Variants in B4GALT6 observed in about 807,000 individuals in gnomAD.
B4GALT6 encodes UDP-Gal:beta-GlcNAc beta-1,4-galactosyltransferase 6.
In B4GALT6, 14 loss-of-function variants were observed where a neutral mutation model predicts 46.3. The observed-to-expected ratio is 0.30, with a 90% CI of 0.20 to 0.47. B4GALT6 has a LOEUF of 0.47. Among genes scored for constraint, B4GALT6 ranks in the 20% least tolerant of loss-of-function variants. The pLI is 0.99. For synonymous variants in B4GALT6, 168 were observed against 162.0 expected (o/e 1.04, Z -0.28); for missense variants, 386 against 480.1 (o/e 0.80, Z 1.83).
At chr18:31,713,936 T>A in the B4GALT6 span, among the ~76,000 whole-genome samples, 1 of 152,208 alleles carries the variant, frequency 6.6e-6, no homozygotes, top group Non-Finnish European at 1.5e-5. Flanking sequence ...AAGTTTTCAT[T>A]TGAAATCTCT....
the B4GALT6 span, among the ~76,000 whole-genome samples, chr18:31,717,950 G>A: frequency 2.0e-4 from 15 of 74,462 alleles, no homozygotes; most frequent in East Asian, 3.4e-4. Context: ...GCGAAACTCC[G>A]TCTCAAAAAA....
chr18:31,693,046 C>T, the B4GALT6 span, among the ~76,000 whole-genome samples: 7 of 152,210 alleles, frequency 4.6e-5, no homozygotes, highest in Non-Finnish European at 7.3e-5. Flanking sequence ...TCCTAATTTT[C>T]TTTATTCTCT....
the B4GALT6 span, among the ~76,000 whole-genome samples, chr18:31,709,122 C>T: frequency 6.6e-6 from 1 of 152,166 alleles, no homozygotes; most frequent in African/African-American, 2.4e-5. Flanking sequence ...GATTAATCTA[C>T]AGTCCCTTTC....
At chr18:31,701,952 T>C in the B4GALT6 span, among the ~76,000 whole-genome samples, 1 of 152,134 alleles carries the variant, frequency 6.6e-6, no homozygotes, top group African/African-American at 2.4e-5. Context: ...TATTACATAA[T>C]ATTTTAAAAA....
intron 1 of B4GALT6, among the ~76,000 whole-genome samples, chr18:31,676,755 G>C (rs1455009399): frequency 6.6e-6 from 1 of 152,102 alleles, no homozygotes; most frequent in African/African-American, 2.4e-5. Flanking sequence ...CACCATTTGG[G>C]GTATTTTTCA....
In B4GALT6 at chr18:31,645,376, T is replaced by C. The variant is rs752963055; in HGVS notation, c.450A>G (p.Lys150=). Reference sequence around the variant, plus strand: ...TCACCTTCCATCTGGGTTTACAGTCTTTTGGCCTCCAATGACCCCCTGGCT... The same window carrying C: ...TCACCTTCCATCTGGGTTTACAGTCCTTTGGCCTCCAATGACCCCCTGGCT... The part of the protein sequence containing the change: ...DIEPGGHWRP[K]DCKPRWKVAV... Residue 150 remains lysine, a synonymous_variant, in exon 4 of 9, where the codon AAA becomes AAG. Transcript: ENST00000306851. 10 of 1,613,722 alleles carry C rather than the reference T, an allele frequency of 6.2e-6. No individual in the cohort carries two copies. Among genetic ancestry groups the C allele is most frequent in the Non-Finnish European group, 8.5e-6 (10 of 1,179,888 alleles).
intron 5 of B4GALT6, 49 bp downstream of exon 5, chr18:31,638,595 G>A: frequency 2.2e-6 from 3 of 1,333,700 alleles, no homozygotes; most frequent in Admixed American, 1.8e-5. Flanking sequence ...CCATATCTAA[G>A]AGTTTAGATT....
rs1567952106 is a variant in B4GALT6, at chr18:31,622,309, C to CA, written c.*3304dup. The CA allele has an allele frequency of 2.0e-5, 3 of 151,740 alleles. No homozygotes were observed. The highest frequency in any genetic ancestry group is 2.0e-4 in the Admixed American group (3 of 15,262). 9.4% of individuals were successfully genotyped at this position (151,740 alleles called of 1,614,324 possible). The stretch of plus-strand genomic sequence containing the variant: ...AAAGTACAAACATTTCCATGAGAAG[C>CA]AAAAAAAGAAGTGGGATACAAGAAA... On this transcript the variant is annotated 3_prime_UTR_variant, in exon 9 of 9. Coordinates refer to ENST00000306851, the MANE Select transcript of B4GALT6 (RefSeq NM_004775.5).
chr18:31,721,426 C>A, the B4GALT6 span, among the ~76,000 whole-genome samples: 1 of 152,026 alleles, frequency 6.6e-6, no homozygotes, highest in African/African-American at 2.4e-5. Flanking sequence ...ACATTATAAA[C>A]CATCATGAAT....
At chr18:31,681,814 CAG>C (rs1283300434) in intron 1 of B4GALT6, among the ~76,000 whole-genome samples, 1 of 152,128 alleles carries the variant, frequency 6.6e-6, no homozygotes, top group East Asian at 1.9e-4. Context: ...AATTTCTTAA[CAG>C]AGGAGATTTG....
chr18:31,695,719 C>A, the B4GALT6 span, among the ~76,000 whole-genome samples: 1 of 152,202 alleles, frequency 6.6e-6, no homozygotes, highest in Non-Finnish European at 1.5e-5. Flanking sequence ...AAAACTATGT[C>A]ATATGGAGAT....
chr18:31,723,950 ACCCAC>A, the B4GALT6 span, among the ~76,000 whole-genome samples: 23 of 150,208 alleles, frequency 1.5e-4, no homozygotes, highest in African/African-American at 5.0e-4. Context: ...CGCACCTCCA[ACCCAC>A]CCCACCCCAC....
At chr18:31,653,944 A>G (rs1474705283) in intron 3 of B4GALT6, among the ~76,000 whole-genome samples, 1 of 151,970 alleles carries the variant, frequency 6.6e-6, no homozygotes, top group Non-Finnish European at 1.5e-5. Flanking sequence ...CAATAAACAT[A>G]TGCATGACAG....
chr18:31,670,251 C>T (rs996871898), intron 1 of B4GALT6, among the ~76,000 whole-genome samples: 2 of 152,052 alleles, frequency 1.3e-5, no homozygotes, highest in Non-Finnish European at 2.9e-5. Flanking sequence ...GACAGGGTTT[C>T]TCCATGTTGC....
chr18:31,695,614 T>C, the B4GALT6 span, among the ~76,000 whole-genome samples: 102 of 152,342 alleles, frequency 6.7e-4, no homozygotes, highest in Non-Finnish European at 1.2e-3. Context: ...TGATGTGCAA[T>C]GAGAGGCAAA....
At chr18:31,702,483 C>G in the B4GALT6 span, among the ~76,000 whole-genome samples, 3 of 152,182 alleles carry the variant, frequency 2.0e-5, no homozygotes, top group Admixed American at 6.5e-5. Flanking sequence ...TACAGCCTGA[C>G]AGCTAAGCTC....
At chr18:31,670,000 G>A (rs1215876164) in intron 1 of B4GALT6, among the ~76,000 whole-genome samples, 1 of 151,666 alleles carries the variant, frequency 6.6e-6, no homozygotes, top group South Asian at 2.1e-4. Context: ...ATGTTTCCTG[G>A]AAACAACTTT....
intron 1 of B4GALT6, among the ~76,000 whole-genome samples, chr18:31,668,901 C>T (rs2074315147): frequency 6.6e-6 from 1 of 151,362 alleles, no homozygotes; most frequent in Non-Finnish European, 1.5e-5. Flanking sequence ...ACCCCAGCTA[C>T]TCGGGAGGCT....
chr18:31,694,984 C>T, the B4GALT6 span, among the ~76,000 whole-genome samples: 3 of 152,102 alleles, frequency 2.0e-5, no homozygotes, highest in East Asian at 5.8e-4. Flanking sequence ...GTTCCTGACC[C>T]CTGTCTATAA....
Sources: allele counts gnomAD v4.1 joint callset (sites outside exome capture counted in the v4.1 genomes callset), GRCh38; gene constraint gnomAD v4.1.1; transcripts MANE v1.5; gene names NCBI Gene and HGNC (gene_info 2026-07-23, HGNC 2026-07-21).